The following MICU1 variants were observed in gnomAD, a reference collection of about 807,000 sequenced individuals.
MICU1 encodes mitochondrial calcium uptake 1.
MICU1 carries 45 observed loss-of-function variants against 56.8 expected under a neutral mutation model. The observed-to-expected ratio is 0.79, with a 90% CI of 0.62 to 1.02. The LOEUF (loss-of-function observed/expected upper bound fraction) is 1.02, where lower values mean the gene tolerates loss of function less well. MICU1 is among the 50% of genes least tolerant of loss of function. The pLI, the probability that MICU1 is intolerant of heterozygous loss-of-function variation, is 0.00. For synonymous variants in MICU1, 186 were observed against 195.1 expected (o/e 0.95, Z 0.39); for missense variants, 504 against 587.1 (o/e 0.86, Z 1.46).
At chr10:72,404,964 T>TG (rs1437820919) in intron 10 of MICU1, among the ~76,000 whole-genome samples, 4 of 152,210 alleles carry the variant, frequency 2.6e-5, no homozygotes, top group Non-Finnish European at 4.4e-5. Context: ...TGGAGTGCAG[T>TG]GGCGTGATCT....
At chr10:72,431,094 G>GTCTATCTATCTATCTA (rs143659735) in intron 8 of MICU1, among the ~76,000 whole-genome samples, 3,460 of 141,376 alleles carry the variant, frequency 0.024, 66 homozygotes, top group Non-Finnish European at 0.031. Context: ...TTATCTGTCT[G>GTCTATCTATCTATCTA]TCTATCTATC....
chr10:72,505,996 CA>C (rs34458233), intron 6 of MICU1, among the ~76,000 whole-genome samples: 46,930 of 138,334 alleles, frequency 0.34, 8,827 homozygotes, highest in East Asian at 0.75. Context: ...AACAAGCAAG[CA>C]AAAAAAAAAA....
At chr10:72,625,370 A>G (rs1188873925) in intron 1 of MICU1, among the ~76,000 whole-genome samples, 14 of 152,184 alleles carry the variant, frequency 9.2e-5, no homozygotes, top group Admixed American at 9.2e-4. Context: ...TTTGTTTTAA[A>G]CTGTTCTCCC....
chr10:72,400,933 A>C (rs1863434439), intron 10 of MICU1, among the ~76,000 whole-genome samples: 1 of 151,656 alleles, frequency 6.6e-6, no homozygotes, highest in African/African-American at 2.4e-5. Flanking sequence ...CTTGTTTTTC[A>C]AAAGATTCTG....
intron 1 of MICU1, among the ~76,000 whole-genome samples, chr10:72,591,612 T>C (rs958825978): frequency 1.3e-5 from 2 of 152,074 alleles, no homozygotes; most frequent in African/African-American, 4.8e-5. Context: ...TACCAACAAA[T>C]TGGGAAACCT....
At chr10:72,413,328 C>T (rs1244548689) in intron 9 of MICU1, among the ~76,000 whole-genome samples, 1 of 152,082 alleles carries the variant, frequency 6.6e-6, no homozygotes, top group Admixed American at 6.6e-5. Flanking sequence ...GGAAAAAAAA[C>T]TGATTGGTTA....
chr10:72,445,769 C>G (rs1865085993), intron 8 of MICU1, among the ~76,000 whole-genome samples: 7 of 152,114 alleles, frequency 4.6e-5, no homozygotes. Context: ...CAATTTTTAA[C>G]CTTTCTAAGC....
rs536568018 is a variant in MICU1, at chr10:72,619,122, T to C, written c.-2+6888A>G. ...AGTACAGACTTACTTTATTGGATTA[T>C]ATCTTTTTTCTATTCTGACTTTTAA... On this transcript the variant is annotated intron_variant, in intron 1 of 11. Transcript: ENST00000361114. Among the ~76,000 whole-genome samples, 13 of 152,316 alleles carry C rather than the reference T, an allele frequency of 8.5e-5. No homozygotes were observed. In the East Asian group the frequency reaches 2.5e-3, roughly 29 times the overall value.
At chr10:72,424,843 C>A (rs916332924) in intron 8 of MICU1, among the ~76,000 whole-genome samples, 4 of 152,152 alleles carry the variant, frequency 2.6e-5, no homozygotes, top group Admixed American at 1.3e-4. Flanking sequence ...ACTTATACAG[C>A]CATGGGGCTT....
intron 4 of MICU1, among the ~76,000 whole-genome samples, chr10:72,540,338 G>A (rs1839742267): frequency 6.6e-6 from 1 of 151,492 alleles, no homozygotes; most frequent in South Asian, 2.1e-4. Context: ...GCACATATAG[G>A]AGAATATTCA....
chr10:72,411,513 A>G (rs1271244397), intron 9 of MICU1, among the ~76,000 whole-genome samples: 1 of 151,414 alleles, frequency 6.6e-6, no homozygotes, highest in Non-Finnish European at 1.5e-5. Context: ...ATTTTTTTTT[A>G]GTAGAGATGG....
At chr10:72,609,586 T>C (rs1335859090) in intron 1 of MICU1, among the ~76,000 whole-genome samples, 2 of 151,000 alleles carry the variant, frequency 1.3e-5, no homozygotes, top group Admixed American at 1.3e-4. Flanking sequence ...TACAAAAAAT[T>C]AGCTGGGTGT....
At chr10:72,378,932 C>T (rs1862613580) in intron 10 of MICU1, among the ~76,000 whole-genome samples, 1 of 152,156 alleles carries the variant, frequency 6.6e-6, no homozygotes, top group Admixed American at 6.5e-5. Context: ...CCCATCTTTT[C>T]TCCCAGGATC....
intron 1 of MICU1, among the ~76,000 whole-genome samples, chr10:72,607,034 A>T (rs1237495208): frequency 6.6e-6 from 1 of 152,016 alleles, no homozygotes; most frequent in African/African-American, 2.4e-5. Flanking sequence ...TCTTAGTTTT[A>T]TCCTTTTAAG....
chr10:72,409,010 A>G (rs2132106470), intron 9 of MICU1, among the ~76,000 whole-genome samples: 1 of 152,228 alleles, frequency 6.6e-6, no homozygotes, highest in East Asian at 1.9e-4. Context: ...ATCGAGAAAA[A>G]GTAGTTATAG....
At chr10:72,616,648 T>TG (rs914133198) in intron 1 of MICU1, among the ~76,000 whole-genome samples, 7 of 145,460 alleles carry the variant, frequency 4.8e-5, no homozygotes, top group African/African-American at 1.0e-4. Flanking sequence ...CTCTGGTTGG[T>TG]GGGAAAAAAA....
chr10:72,456,614 G>C (rs1216596239), intron 8 of MICU1, among the ~76,000 whole-genome samples: 1 of 152,180 alleles, frequency 6.6e-6, no homozygotes, highest in Non-Finnish European at 1.5e-5. Context: ...TAAGCTGCTT[G>C]TAGATTCTTG....
intron 5 of MICU1, among the ~76,000 whole-genome samples, chr10:72,532,243 G>A (rs1041651442): frequency 2.8e-4 from 42 of 151,798 alleles, no homozygotes; most frequent in Admixed American, 2.2e-3. Context: ...GTGCAAACCC[G>A]GGAGGTGGAG....
At chr10:72,615,299 CT>C in intron 1 of MICU1, among the ~76,000 whole-genome samples, 1 of 152,018 alleles carries the variant, frequency 6.6e-6, no homozygotes, top group East Asian at 1.9e-4. Context: ...TGTATTTTTA[CT>C]ACAGACAGGG....
Sources: allele counts gnomAD v4.1 joint callset (sites outside exome capture counted in the v4.1 genomes callset), GRCh38; gene constraint gnomAD v4.1.1; transcripts MANE v1.5; gene names NCBI Gene and HGNC (gene_info 2026-07-23, HGNC 2026-07-21).